APOBEC1: variants seen among roughly 807,000 people sequenced by gnomAD.
APOBEC1 encodes apolipoprotein B mRNA editing enzyme catalytic subunit 1, also known as C->U-editing enzyme APOBEC-1.
APOBEC1 carries 22 observed loss-of-function variants against 26.3 expected under a neutral mutation model. That is an observed-to-expected ratio of 0.84 (90% CI 0.60 to 1.19). The LOEUF is 1.19. Among genes scored for constraint, APOBEC1 ranks in the 50% most tolerant of loss-of-function variants. The pLI is 0.00. For synonymous variants in APOBEC1, 77 were observed against 95.3 expected, an observed-to-expected ratio of 0.81 and a Z score of 1.12; for missense variants, 253 against 289.0, an observed-to-expected ratio of 0.88 and a Z score of 0.90.
At chr12:7,652,859 A>T in intron 2 of APOBEC1, 24 bp from the exon 3 acceptor site, 2 of 1,547,468 alleles carry the variant, frequency 1.3e-6, no homozygotes, top group Non-Finnish European at 1.7e-6. Flanking sequence ...AGCAGCCCAC[A>T]CTGTCATGCC....
rs369006530 is a variant in APOBEC1 at position 7,649,504 on chromosome 12, C to G, written c.*43G>C. The G allele has an allele frequency of 2.0e-5, 32 of 1,593,318 alleles. No individual in the cohort carries two copies. In the Middle Eastern group the frequency reaches 1.0e-3, roughly 50 times the overall value. ...TGGCATTCACTCTTTAGTGGGTCATCATTGCTTGTTCTTGAATCAGTACAC... is the reference window on the plus strand; with the variant it reads ...TGGCATTCACTCTTTAGTGGGTCATGATTGCTTGTTCTTGAATCAGTACAC... On this transcript the variant is annotated 3_prime_UTR_variant, in exon 5 of 5. Coordinates refer to ENST00000229304, the MANE Select transcript of APOBEC1 (RefSeq NM_001644.5).
chr12:7,659,322 A>AAAAAAATAT (rs1555094633), intron 1 of APOBEC1, among the ~76,000 whole-genome samples: 9 of 46,284 alleles, frequency 1.9e-4, no homozygotes, highest in African/African-American at 5.0e-4. Flanking sequence ...AAAAAAAAAA[A>AAAAAAATAT]ATATATATAT....
intron 2 of APOBEC1, among the ~76,000 whole-genome samples, chr12:7,653,766 C>A (rs1414870613): frequency 6.6e-6 from 1 of 152,108 alleles, no homozygotes; most frequent in African/African-American, 2.4e-5. Flanking sequence ...CAAGAACAGA[C>A]AAAAGAGCAA....
chr12:7,661,642 T>G (rs1284192163), intron 1 of APOBEC1, among the ~76,000 whole-genome samples: 1 of 152,084 alleles, frequency 6.6e-6, no homozygotes, highest in Non-Finnish European at 1.5e-5. Context: ...TATGGAAAGA[T>G]CCTATTGAAC....
chr12:7,665,796 CACACACACA>C, intron 1 of APOBEC1, 52 bp downstream of exon 1: 1 of 1,321,636 alleles, frequency 7.6e-7, no homozygotes, highest in Non-Finnish European at 1.1e-6. Context: ...CACACACACA[CACACACACA>C]CCATTCTTGC....
At chr12:7,650,258 C>T (rs2136835519) in intron 4 of APOBEC1, among the ~76,000 whole-genome samples, 2 of 152,126 alleles carry the variant, frequency 1.3e-5, no homozygotes, top group Non-Finnish European at 2.9e-5. Flanking sequence ...AATGATAAAG[C>T]CAGACATGAT....
At chr12:7,663,303 G>GT (rs35684921) in intron 1 of APOBEC1, among the ~76,000 whole-genome samples, 5 of 152,110 alleles carry the variant, frequency 3.3e-5, no homozygotes, top group East Asian at 3.8e-4. Flanking sequence ...GCATGGCATG[G>GT]TTTTTTTGCA....
At chr12:7,660,376 G>GAAGGAAGGAAGAAAAGAAAGAA (rs1290120140) in intron 1 of APOBEC1, among the ~76,000 whole-genome samples, 1 of 60,982 alleles carries the variant, frequency 1.6e-5, no homozygotes, top group East Asian at 3.2e-4. Flanking sequence ...AGGAAGGAAG[G>GAAGGAAGGAAGAAAAGAAAGAA]AAAGAAAGAA....
rs954917404 is a variant in APOBEC1 at position 7,649,815 on chromosome 12, T to G, written c.562-119A>C. ...CGATTTAACTATTTCTTCTTTTTTT[T>G]TTTTCCCAGACAGGGTCTGGTTCTG... On this transcript the variant is annotated intron_variant, in intron 4 of 4. Coordinates refer to ENST00000229304, the MANE Select transcript of APOBEC1 (RefSeq NM_001644.5). 4 of 907,776 alleles carry G rather than the reference T, an allele frequency of 4.4e-6. No individual in the cohort carries two copies. In the African/African-American group the frequency reaches 5.1e-5, roughly 11 times the overall value. 56.2% of individuals were successfully genotyped at this position (907,776 alleles called of 1,614,324 possible).
chr12:7,668,843 C>A (rs1863922732), upstream of APOBEC1, among the ~76,000 whole-genome samples: 1 of 152,080 alleles, frequency 6.6e-6, no homozygotes, highest in African/African-American at 2.4e-5. Context: ...ATTCTCATGT[C>A]TCAGCCTTGC....
intron 1 of APOBEC1, among the ~76,000 whole-genome samples, chr12:7,662,780 C>A (rs949719817): frequency 1.3e-5 from 2 of 152,074 alleles, no homozygotes; most frequent in South Asian, 4.1e-4. Flanking sequence ...CAGGGAACAC[C>A]AGGTGCAAAC....
intron 3 of APOBEC1, among the ~76,000 whole-genome samples, chr12:7,651,475 G>A (rs1052663076): frequency 2.0e-5 from 3 of 151,874 alleles, no homozygotes; most frequent in Admixed American, 6.6e-5. Flanking sequence ...TTAGCCGGGC[G>A]TGGTGGTGGG....
At chr12:7,650,949 A>G (rs12228353) in intron 4 of APOBEC1, 74 bp downstream of exon 4, 30,819 of 1,109,084 alleles carry the variant, frequency 0.028, 577 homozygotes, top group South Asian at 0.048. Context: ...ATATGAGTCA[A>G]ATTTTCTCAG....
rs10431309 is a variant in APOBEC1, at chr12:7,651,050, G to A, written c.534C>T (p.Tyr178=). The change falls in exon 4 of 5, where the codon TAC becomes TAT. Residue 178 remains tyrosine, a synonymous_variant. Transcript: ENST00000229304. ...GAATTATGCAGTGCAGCTCCAGTGC[G>A]TACAACATCATCCACAGAGGTGGGT... ...PQYPPLWMML[Y]ALELHCIILS... is the part of the protein sequence containing the mutation. 389,046 of 1,611,952 alleles carry A rather than the reference G, an allele frequency of 0.24. 49,174 individuals are homozygous for A. The highest frequency in any genetic ancestry group is 0.39 in the South Asian group (35,348 of 91,020).
upstream of APOBEC1, among the ~76,000 whole-genome samples, chr12:7,667,039 G>A (rs1434205609): frequency 6.6e-6 from 1 of 151,622 alleles, no homozygotes; most frequent in Non-Finnish European, 1.5e-5. Context: ...AGCCTCCCAA[G>A]TAGCAGGGAT....
Position 7,652,607 on chromosome 12 carries a change from A to G in APOBEC1, c.273T>C (p.Ser91=). The G allele has an allele frequency of 1.2e-6, 2 of 1,614,086 alleles. No homozygotes were observed. The highest frequency in any genetic ancestry group is 1.7e-6 in the Non-Finnish European group (2 of 1,180,012). Residue 91 remains serine, a synonymous_variant, in exon 3 of 5, where the codon AGT becomes AGC. Coordinates refer to ENST00000229304, the MANE Select transcript of APOBEC1 (RefSeq NM_001644.5). ...SCSITWFLSW[S]PCWECSQAIR... ...TAGCCTGGGAGCATTCCCAGCAGGG[A>G]CTCCAGGACAAGAACCAGGTGATGG...
At chr12:7,658,939 G>A (rs1308055404) in intron 1 of APOBEC1, among the ~76,000 whole-genome samples, 3 of 129,052 alleles carry the variant, frequency 2.3e-5, no homozygotes, top group Admixed American at 1.7e-4. Context: ...GGCAACGAGA[G>A]CAAAACTCCA....
At chr12:7,669,039 C>G (rs1024543271), upstream of APOBEC1, among the ~76,000 whole-genome samples, 14 of 151,930 alleles carry the variant, frequency 9.2e-5, no homozygotes, top group African/African-American at 3.4e-4. Context: ...GCCAGCACCC[C>G]CCAATTCTGT....
upstream of APOBEC1, among the ~76,000 whole-genome samples, chr12:7,667,092 A>G (rs1303342054): frequency 1.3e-5 from 2 of 151,860 alleles, no homozygotes; most frequent in African/African-American, 4.8e-5. Flanking sequence ...TTATATTTTT[A>G]GTAGAGACAG....
Sources: allele counts gnomAD v4.1 joint callset (sites outside exome capture counted in the v4.1 genomes callset), GRCh38; gene constraint gnomAD v4.1.1; transcripts MANE v1.5; gene names NCBI Gene and HGNC (gene_info 2026-07-23, HGNC 2026-07-21).